Variants in CTNNA2 observed in about 807,000 individuals in gnomAD.
The protein encoded by CTNNA2 is catenin alpha 2.
In CTNNA2, 42 loss-of-function variants were observed where a neutral mutation model predicts 101.0. The ratio of observed to expected loss-of-function variants is 0.42; its 90% CI spans 0.32 to 0.54. CTNNA2 has a LOEUF of 0.54. Among genes scored for constraint, CTNNA2 ranks in the 20% least tolerant of loss-of-function variants. The pLI is 0.14. For missense variants in CTNNA2, 871 were observed against 1,223.1 expected (o/e 0.71, Z 4.29); for synonymous variants, 450 against 456.4 (o/e 0.99, Z 0.18).
chr2:80,177,413 C>T (rs1705463352), intron 7 of CTNNA2, among the ~76,000 whole-genome samples: 1 of 152,148 alleles, frequency 6.6e-6, no homozygotes. Context: ...TGGTTGATTA[C>T]CCAAGGAATG....
rs199675781 is a variant in CTNNA2, at chr2:79,643,189, C to CA, written c.-5-8353dup. On this transcript the variant is annotated intron_variant, in intron 1 of 18. Coordinates refer to ENST00000402739, the MANE Select transcript of CTNNA2 (RefSeq NM_001282597.3). ...CTGGCAACAGAGCAAGGCTCCGTCT[C>CA]AAAAAAAAAATTAACAGAAAATTAG... Among the ~76,000 whole-genome samples the CA allele has an allele frequency of 8.2e-3, 1,216 of 148,612 alleles. 24 individuals are homozygous for CA. Among genetic ancestry groups the CA allele is most frequent in the African/African-American group, 0.027 (1,084 of 40,526 alleles).
intron 4 of CTNNA2, among the ~76,000 whole-genome samples, chr2:79,399,997 A>G (rs2104479802): frequency 6.6e-6 from 1 of 152,160 alleles, no homozygotes. Context: ...CATGTGCCCA[A>G]AGTGGTTGGA....
At chr2:80,551,796 T>A (rs1160797073) in intron 11 of CTNNA2, among the ~76,000 whole-genome samples, 1 of 152,212 alleles carries the variant, frequency 6.6e-6, no homozygotes, top group Non-Finnish European at 1.5e-5. Flanking sequence ...CTTATCTGGG[T>A]GTTCATTGGA....
In CTNNA2 at chr2:79,885,575, T is replaced by TAC. The variant is rs569130634; in HGVS notation, c.852+11234_852+11235dup. 1.7e-3 allele frequency among the ~76,000 whole-genome samples: 254 copies of TAC among 152,342 alleles called. 4 individuals carry two copies. The highest frequency in any genetic ancestry group is 5.7e-3 in the African/African-American group (235 of 41,576). On this transcript the variant is annotated intron_variant, in intron 6 of 18. Transcript: ENST00000402739. ...TTTCCTTTTGCTGTAGCAACCAATA[T>TAC]ACTTATTTATCAGGGAAACTTGCCC...
intron 1 of CTNNA2, among the ~76,000 whole-genome samples, chr2:79,610,983 C>G (rs1234295361): frequency 6.6e-6 from 1 of 152,084 alleles, no homozygotes; most frequent in African/African-American, 2.4e-5. Context: ...TGATAAATCT[C>G]AAAACCGTAA....
chr2:79,555,842 A>G (rs1191078755), intron 1 of CTNNA2, among the ~76,000 whole-genome samples: 1 of 152,170 alleles, frequency 6.6e-6, no homozygotes, highest in Non-Finnish European at 1.5e-5. Flanking sequence ...GAGCTGAGTA[A>G]GTAAACAAAT....
At chr2:79,217,194 G>A (rs918855456) in intron 2 of CTNNA2, among the ~76,000 whole-genome samples, 1 of 152,150 alleles carries the variant, frequency 6.6e-6, no homozygotes, top group African/African-American at 2.4e-5. Flanking sequence ...TCCTTGGGCT[G>A]GTGGGTCTGA....
intron 7 of CTNNA2, among the ~76,000 whole-genome samples, chr2:80,164,957 T>C (rs988286772): frequency 4.0e-5 from 6 of 150,722 alleles, no homozygotes; most frequent in Non-Finnish European, 3.0e-5. Context: ...TTTTTTTTTT[T>C]CTAGATAAGA....
At position 79,743,065 on chromosome 2, in the gene CTNNA2, C is replaced by A. The variant is rs17786853; in HGVS notation, c.103-1322C>A. Among the ~76,000 whole-genome samples, 789 of 152,204 alleles carry A rather than the reference C, an allele frequency of 5.2e-3. 6 individuals carry two copies. The highest frequency in any genetic ancestry group is 8.5e-3 in the Non-Finnish European group (576 of 68,004). Reference sequence around the variant, plus strand: ...CCTCAGAAGCTAACTGCATTTGGAACTTTTTTGTAGACTGGCTTTCTTAAT... The same window carrying A: ...CCTCAGAAGCTAACTGCATTTGGAAATTTTTTGTAGACTGGCTTTCTTAAT... On this transcript the variant is annotated intron_variant, in intron 2 of 18. Coordinates refer to ENST00000402739, the MANE Select transcript of CTNNA2 (RefSeq NM_001282597.3).
At chr2:80,164,867 C>A (rs1172743820) in intron 7 of CTNNA2, among the ~76,000 whole-genome samples, 3 of 151,274 alleles carry the variant, frequency 2.0e-5, no homozygotes, top group African/African-American at 7.3e-5. Context: ...AAATATTGTG[C>A]CACTTCCTTC....
chr2:80,630,647 A>T (rs936536724), intron 18 of CTNNA2, among the ~76,000 whole-genome samples: 2 of 152,160 alleles, frequency 1.3e-5, no homozygotes, highest in Non-Finnish European at 2.9e-5. Flanking sequence ...AAAATAAATA[A>T]ATAAAAATAA....
intron 2 of CTNNA2, among the ~76,000 whole-genome samples, chr2:79,223,715 G>A (rs1047502728): frequency 2.0e-5 from 3 of 152,066 alleles, no homozygotes. Context: ...TTATTGACTG[G>A]TGAATGACAT....
chr2:80,496,663 G>A (rs984539573), intron 9 of CTNNA2, among the ~76,000 whole-genome samples: 3 of 152,046 alleles, frequency 2.0e-5, no homozygotes, highest in African/African-American at 7.2e-5. Context: ...CCGATACTTA[G>A]TAACTACTGT....
At chr2:79,826,302 A>C (rs182934992) in intron 3 of CTNNA2, among the ~76,000 whole-genome samples, 55 of 152,396 alleles carry the variant, frequency 3.6e-4, no homozygotes, top group Non-Finnish European at 5.9e-5. Flanking sequence ...TTTCATGCCC[A>C]TAACAAAATT....
intron 4 of CTNNA2, among the ~76,000 whole-genome samples, chr2:79,402,478 A>G (rs536094883): frequency 6.6e-6 from 1 of 151,940 alleles, no homozygotes; most frequent in East Asian, 1.9e-4. Flanking sequence ...CATGCCTATG[A>G]TGAAGTTTAA....
chr2:79,543,888 C>G (rs142241461), intron 1 of CTNNA2, among the ~76,000 whole-genome samples: 1 of 152,064 alleles, frequency 6.6e-6, no homozygotes, highest in East Asian at 1.9e-4. Context: ...TAGAAAAGGA[C>G]AACAAGTATT....
rs879893171 is a variant in CTNNA2 at position 80,514,458 on chromosome 2, C to T, written c.1291-30524C>T. On this transcript the variant is annotated intron_variant, in intron 9 of 18. Transcript: ENST00000402739. ...GCCGCCTTCTACCAATGAGTGCAAA[C>T]GGCCAGTGTGACAGCCTTTTCTGGG... is the stretch of plus-strand genomic sequence containing the variant. Among the ~76,000 whole-genome samples the T allele has an allele frequency of 6.2e-4, 95 of 152,178 alleles. 2 individuals are homozygous for T. The highest frequency in any genetic ancestry group is 2.2e-4 in the Non-Finnish European group (15 of 68,024).
At chr2:80,157,536 AC>A (rs1223445465) in intron 7 of CTNNA2, among the ~76,000 whole-genome samples, 1 of 152,088 alleles carries the variant, frequency 6.6e-6, no homozygotes, top group Non-Finnish European at 1.5e-5. Context: ...AAGATTCGTG[AC>A]CATTTTTTTG....
intron 18 of CTNNA2, among the ~76,000 whole-genome samples, chr2:80,638,850 A>T (rs533894576): frequency 6.6e-6 from 1 of 152,334 alleles, no homozygotes; most frequent in African/African-American, 2.4e-5. Context: ...TGAGAAAGTT[A>T]CCAAAGAGCC....
Sources: allele counts gnomAD v4.1 joint callset (sites outside exome capture counted in the v4.1 genomes callset), GRCh38; gene constraint gnomAD v4.1.1; transcripts MANE v1.5; gene names NCBI Gene and HGNC (gene_info 2026-07-23, HGNC 2026-07-21).